UGT2B17: variants seen among roughly 807,000 people sequenced by gnomAD.
The protein encoded by UGT2B17 is UDP-glucuronosyltransferase 2B17.
A neutral mutation model predicts 48.2 loss-of-function variants in UGT2B17; 21 were observed. That is an observed-to-expected ratio of 0.44 (90% CI 0.31 to 0.63). The LOEUF (loss-of-function observed/expected upper bound fraction) is 0.63. Ranked by LOEUF, UGT2B17 falls within the 20% of genes least tolerant of loss-of-function variation. UGT2B17 has a pLI of 0.08. For missense variants in UGT2B17, 402 were observed against 696.1 expected (o/e 0.58, Z 4.75); for synonymous variants, 146 against 238.4 (o/e 0.61, Z 3.57).
intron 4 of UGT2B17, among the ~76,000 whole-genome samples, chr4:68,552,543 T>C (rs1264151930): frequency 2.4e-5 from 3 of 126,416 alleles, no homozygotes; most frequent in Non-Finnish European, 3.4e-5. Context: ...CCCCTGAGGC[T>C]GTGTCATGGG....
chr4:68,539,209 G>T lies in UGT2B17; in HGVS notation c.1314-1305C>A, dbSNP rs934593801. Among the ~76,000 whole-genome samples, 11 of 125,716 alleles carry T rather than the reference G, an allele frequency of 8.7e-5. 3 individuals are homozygous for T. Among genetic ancestry groups the T allele is most frequent in the Non-Finnish European group, 1.3e-4 (8 of 59,478 alleles). 82.5% of individuals were successfully genotyped at this position (125,716 alleles called of 152,430 possible). On this transcript the variant is annotated intron_variant, in intron 6 of 6. Transcript: ENST00000317746. ...TGAAAACACCAATTTATCACAAACT[G>T]CATAGAAGAACTCTTTCCTCCTGGG...
At chr4:68,575,813 G>A (rs1731364376) in intron 1 of UGT2B17, among the ~76,000 whole-genome samples, 138 bp downstream of exon 1, 1 of 124,440 alleles carries the variant, frequency 8.0e-6, no homozygotes, top group African/African-American at 2.8e-5. Context: ...GGTGGAGTGG[G>A]GCAAGTTCAA....
intron 4 of UGT2B17, among the ~76,000 whole-genome samples, chr4:68,556,170 A>T (rs1445898954): frequency 8.0e-6 from 1 of 124,542 alleles, no homozygotes; most frequent in Non-Finnish European, 1.7e-5. Flanking sequence ...GTTTCTACAG[A>T]TTGGGCTTGA....
In UGT2B17 at chr4:68,543,161, C is replaced by T. The variant is rs1222604795; in HGVS notation, c.1314-5257G>A. On this transcript the variant is annotated intron_variant, in intron 6 of 6. Coordinates refer to ENST00000317746, the MANE Select transcript of UGT2B17 (RefSeq NM_001077.4). ...TGCTACTCAAGTGGGTCCTGATCCC[C>T]GAGTAGCCTGACTGGGAGGCACCCC... Among the ~76,000 whole-genome samples, 17 of 126,040 alleles carry T rather than the reference C, an allele frequency of 1.3e-4. 4 individuals carry two copies. Among genetic ancestry groups the T allele is most frequent in the Non-Finnish European group, 2.0e-4 (12 of 59,474 alleles). 82.7% of individuals were successfully genotyped at this position (126,040 alleles called of 152,430 possible).
rs200394257 is a variant in UGT2B17 at position 68,567,744 on chromosome 4, T to C, written c.724+17A>G. ...AAAATTAGAACTTAATAAACACCAA[T>C]TGGACACACGACTTACCTAGAACTT... On this transcript the variant is annotated intron_variant, in intron 2 of 6. Transcript: ENST00000317746. 6 of 1,294,688 alleles carry C rather than the reference T, an allele frequency of 4.6e-6. 2 individuals are homozygous for C. Among genetic ancestry groups the C allele is most frequent in the Non-Finnish European group, 5.9e-6 (6 of 1,014,986 alleles). The allele number at this position is 1,294,688 out of a possible 1,614,324, so 80.2% of individuals were successfully genotyped here. A position where few individuals can be genotyped will look rare whatever the true frequency, so the allele number is the denominator to read the frequency against.
rs1466409112 is a variant in UGT2B17, at chr4:68,566,007, A to T, written c.725-287T>A. 6.0e-5 allele frequency among the ~76,000 whole-genome samples: 7 copies of T among 117,582 alleles called. 3 individuals carry two copies. The East Asian group carries it at 5.4e-3, about 91-fold the overall frequency. The allele number at this position is 117,582 out of a possible 152,430, so 77.1% of individuals were successfully genotyped here. On this transcript the variant is annotated intron_variant, in intron 2 of 6. Coordinates refer to ENST00000317746, the MANE Select transcript of UGT2B17 (RefSeq NM_001077.4). ...TTAATTTAATAGTATTTAATTTTTA[A>T]TTTTTAATATTTAATAAAGTTTAAT...
At chr4:68,538,305 G>A (rs1730591545) in intron 6 of UGT2B17, among the ~76,000 whole-genome samples, 1 of 123,914 alleles carries the variant, frequency 8.1e-6, no homozygotes, top group Admixed American at 8.3e-5. Context: ...ACATGATCAT[G>A]GCTCAGTGCA....
Position 68,572,315 on chromosome 4 carries a change from T to C in UGT2B17, c.-65+3636A>G, listed in dbSNP as rs1282864346. ...TACCTATTACCTTACTTGTGTCACA[T>C]AGAAAAGGAGCAGTCCTTAATTTTA... On this transcript the variant is annotated intron_variant, in intron 1 of 6. Coordinates refer to ENST00000317746, the MANE Select transcript of UGT2B17 (RefSeq NM_001077.4). 1.6e-5 allele frequency among the ~76,000 whole-genome samples: 2 copies of C among 126,374 alleles called. 1 individual carries two copies. Among genetic ancestry groups the C allele is most frequent in the Non-Finnish European group, 3.3e-5 (2 of 59,716 alleles). The allele number at this position is 126,374 out of a possible 152,430, so 82.9% of individuals were successfully genotyped here. A position where few individuals can be genotyped will look rare whatever the true frequency, so the allele number is the denominator to read the frequency against.
rs1459960931 is a variant in UGT2B17, at chr4:68,572,870, A to G, written c.-65+3081T>C. Among the ~76,000 whole-genome samples, 4 of 126,052 alleles carry G rather than the reference A, an allele frequency of 3.2e-5. 1 individual carries two copies. The highest frequency in any genetic ancestry group is 1.6e-4 in the Admixed American group (2 of 12,344). The allele number at this position is 126,052 out of a possible 152,430, so 82.7% of individuals were successfully genotyped here. ...TGGAGCAGTGTTTGTTGTCTTCTTC[A>G]GAGTCATTTTGCAGGGATTGGTGAA... On this transcript the variant is annotated intron_variant, in intron 1 of 6. Coordinates refer to ENST00000317746, the MANE Select transcript of UGT2B17 (RefSeq NM_001077.4).
In UGT2B17 at chr4:68,549,016, GC is replaced by G. The variant is rs1342105556; in HGVS notation, c.1313+1660del. ...CTTTATTTCTTTTTCTTGCCTGATT[GC>G]CCTAGTTCACATTTAAATCCACCAT... is the stretch of plus-strand genomic sequence containing the variant. On this transcript the variant is annotated intron_variant, in intron 6 of 6. Coordinates refer to ENST00000317746, the MANE Select transcript of UGT2B17 (RefSeq NM_001077.4). Among the ~76,000 whole-genome samples the G allele has an allele frequency of 7.3e-5, 9 of 123,534 alleles. 2 individuals carry two copies. Among genetic ancestry groups the G allele is most frequent in the Non-Finnish European group, 1.5e-4 (9 of 58,536 alleles). The allele number at this position is 123,534 out of a possible 152,430, so 81.0% of individuals were successfully genotyped here.
chr4:68,574,954 C>CCTT (rs1553921091), intron 1 of UGT2B17, among the ~76,000 whole-genome samples: 2 of 109,720 alleles, frequency 1.8e-5, no homozygotes, highest in Admixed American at 9.7e-5. Flanking sequence ...CCTCCCCCCC[C>CCTT]TTTTTTTTTT....
At chr4:68,552,928 G>A (rs1730941810) in intron 4 of UGT2B17, among the ~76,000 whole-genome samples, 1 of 123,994 alleles carries the variant, frequency 8.1e-6, no homozygotes, top group African/African-American at 2.8e-5. Flanking sequence ...GTAACTCTAT[G>A]GAGTTTGAGC....
At position 68,542,531 on chromosome 4, in the gene UGT2B17, G is replaced by T. The variant is rs1490711712; in HGVS notation, c.1314-4627C>A. ...AGTGTGAATGACACAGATGAGGAAT[G>T]ATTTCTGCATTTCCAACTGAGGTAC... On this transcript the variant is annotated intron_variant, in intron 6 of 6. Coordinates refer to ENST00000317746, the MANE Select transcript of UGT2B17 (RefSeq NM_001077.4). 7.1e-5 allele frequency among the ~76,000 whole-genome samples: 9 copies of T among 126,726 alleles called. 3 individuals are homozygous for T. 83.1% of individuals were successfully genotyped at this position (126,726 alleles called of 152,430 possible). A position where few individuals can be genotyped will look rare whatever the true frequency, so the allele number is the denominator to read the frequency against.
At position 68,568,397 on chromosome 4, in the gene UGT2B17, G is replaced by C; in HGVS notation, c.88C>G (p.Pro30Ala). The C allele has an allele frequency of 7.3e-7, 1 of 1,377,454 alleles. No homozygotes were observed. The highest frequency in any genetic ancestry group is 1.5e-5 in the African/African-American group (1 of 67,500). The allele number at this position is 1,377,454 out of a possible 1,614,324, so 85.3% of individuals were successfully genotyped here. A position where few individuals can be genotyped will look rare whatever the true frequency, so the allele number is the denominator to read the frequency against. Residue 30 changes from proline to alanine, a missense_variant, in exon 2 of 7, where the codon CCC (proline) becomes GCC (alanine). By Grantham distance (27) the Pro-to-Ala change is conservative. Transcript: ENST00000317746. The stretch of plus-strand genomic sequence containing the variant: ...TTTATCCAATGGCTGTATTCTGTGG[G>C]CCACACCAGCACCTTTCCACAACTC... ...SGSCGKVLVW[P>A]TEYSHWINMK...
rs142055157 is a variant in UGT2B17, at chr4:68,552,234, C to T, written c.1006-323G>A. On this transcript the variant is annotated intron_variant, in intron 4 of 6. Coordinates refer to ENST00000317746, the MANE Select transcript of UGT2B17 (RefSeq NM_001077.4). Reference sequence around the variant, plus strand: ...GAAAAGTTAAGCTGCTCAGGGCAAACCTACTTCCCATTCTATTCAAAGTCA... The same window carrying T: ...GAAAAGTTAAGCTGCTCAGGGCAAATCTACTTCCCATTCTATTCAAAGTCA... 2.9e-3 allele frequency among the ~76,000 whole-genome samples: 363 copies of T among 126,436 alleles called. 67 individuals carry two copies. The highest frequency in any genetic ancestry group is 9.5e-3 in the African/African-American group (354 of 37,132). 82.9% of individuals were successfully genotyped at this position (126,436 alleles called of 152,430 possible).
intron 1 of UGT2B17, among the ~76,000 whole-genome samples, chr4:68,569,680 C>G (rs1731269539): frequency 7.9e-6 from 1 of 125,812 alleles, no homozygotes; most frequent in Non-Finnish European, 1.7e-5. Flanking sequence ...GAGAGCCGGC[C>G]AGAAGACACC....
At position 68,557,714 on chromosome 4, in the gene UGT2B17, A is replaced by T. The variant is rs1321101880; in HGVS notation, c.1005+2823T>A. Among the ~76,000 whole-genome samples, 24 of 127,550 alleles carry T rather than the reference A, an allele frequency of 1.9e-4. 3 individuals are homozygous for T. The highest frequency in any genetic ancestry group is 3.3e-5 in the Non-Finnish European group (2 of 59,744). The allele number at this position is 127,550 out of a possible 152,430, so 83.7% of individuals were successfully genotyped here. A position where few individuals can be genotyped will look rare whatever the true frequency, so the allele number is the denominator to read the frequency against. On this transcript the variant is annotated intron_variant, in intron 4 of 6. Transcript: ENST00000317746. Reference sequence around the variant, plus strand: ...ATACAGTTATTTGCATAAGTGCAATAAGAATCTATTTTCATTTTTAACAAA... The same window carrying T: ...ATACAGTTATTTGCATAAGTGCAATTAGAATCTATTTTCATTTTTAACAAA...
rs1205148035 is a variant in UGT2B17 at position 68,545,844 on chromosome 4, G to GAC, written c.1313+4831_1313+4832dup. ...TCAAGAAGAAATGGATAAATTCCTCGACACACACACCCTCCCAAGACTAAA... is the reference window on the plus strand; with the variant it reads ...TCAAGAAGAAATGGATAAATTCCTCGACACACACACACCCTCCCAAGACTAAA... On this transcript the variant is annotated intron_variant, in intron 6 of 6. Coordinates refer to ENST00000317746, the MANE Select transcript of UGT2B17 (RefSeq NM_001077.4). Among the ~76,000 whole-genome samples the GAC allele has an allele frequency of 1.6e-5, 2 of 125,360 alleles. 1 individual carries two copies. Among genetic ancestry groups the GAC allele is most frequent in the Non-Finnish European group, 3.4e-5 (2 of 59,348 alleles). The allele number at this position is 125,360 out of a possible 152,430, so 82.2% of individuals were successfully genotyped here.
At chr4:68,565,814 G>T in intron 2 of UGT2B17, 94 bp from the exon 3 acceptor site, 3 of 1,089,464 alleles carry the variant, frequency 2.8e-6, no homozygotes, top group Non-Finnish European at 3.5e-6. Flanking sequence ...AAAGGACTTG[G>T]AATAACATAC....
Sources: allele counts gnomAD v4.1 joint callset (sites outside exome capture counted in the v4.1 genomes callset), GRCh38; gene constraint gnomAD v4.1.1; transcripts MANE v1.5; gene names NCBI Gene and HGNC (gene_info 2026-07-23, HGNC 2026-07-21).